Variants in GRIK2 observed in about 807,000 individuals in gnomAD.
GRIK2 encodes the protein glutamate ionotropic receptor kainate type subunit 2, also known as glutamate receptor ionotropic, kainate 2.
A neutral mutation model predicts 100.3 loss-of-function variants in GRIK2; 32 were observed. That is an observed-to-expected ratio of 0.32 (90% CI 0.24 to 0.43). The LOEUF (loss-of-function observed/expected upper bound fraction) is 0.43. GRIK2 is among the 20% of genes least tolerant of loss of function. The probability of loss-of-function intolerance (pLI) is 1.00; values close to 1 mark genes in which losing one functional copy is unlikely to be tolerated. For synonymous variants in GRIK2, 417 were observed against 389.4 expected (o/e 1.07, Z -0.83); for missense variants, 843 against 1,114.9 (o/e 0.76, Z 3.47).
At chr6:101,841,025 T>C (rs1031090938) in intron 10 of GRIK2, among the ~76,000 whole-genome samples, 4 of 134,344 alleles carry the variant, frequency 3.0e-5, no homozygotes, top group Non-Finnish European at 4.5e-5. Context: ...CAGCTTTATG[T>C]CTTTAAAAAC....
chr6:101,988,642 G>T (rs960661653), intron 14 of GRIK2, among the ~76,000 whole-genome samples: 2 of 151,802 alleles, frequency 1.3e-5, no homozygotes, highest in African/African-American at 4.8e-5. Flanking sequence ...CCTAGAATAC[G>T]TGGTTAATGG....
intron 9 of GRIK2, among the ~76,000 whole-genome samples, chr6:101,805,252 C>G (rs897853821): frequency 2.0e-5 from 3 of 150,756 alleles, no homozygotes; most frequent in Non-Finnish European, 3.0e-5. Context: ...CCAATTCTAT[C>G]AAAACTAAGC....
intron 14 of GRIK2, among the ~76,000 whole-genome samples, chr6:101,941,730 A>G (rs1790965537): frequency 1.3e-5 from 2 of 152,184 alleles, no homozygotes; most frequent in African/African-American, 4.8e-5. Context: ...ATTAAAAGAA[A>G]TATTGTAAAT....
At chr6:101,480,989 C>T (rs903085070) in intron 2 of GRIK2, among the ~76,000 whole-genome samples, 3 of 152,030 alleles carry the variant, frequency 2.0e-5, no homozygotes, top group Non-Finnish European at 4.4e-5. Flanking sequence ...TATTGGCAAA[C>T]ATGAAATTAA....
intron 7 of GRIK2, among the ~76,000 whole-genome samples, chr6:101,761,170 T>G (rs1225596907): frequency 6.6e-6 from 1 of 152,160 alleles, no homozygotes; most frequent in African/African-American, 2.4e-5. Flanking sequence ...TTTTCAAGCA[T>G]ACCTGTACAC....
At chr6:101,675,268 T>C (rs1770739053) in intron 4 of GRIK2, among the ~76,000 whole-genome samples, 2 of 150,272 alleles carry the variant, frequency 1.3e-5, no homozygotes, top group South Asian at 4.2e-4. Context: ...AGACAGTACA[T>C]GTACGCACAC....
At chr6:101,433,028 G>T (rs941894433) in intron 2 of GRIK2, among the ~76,000 whole-genome samples, 2 of 152,130 alleles carry the variant, frequency 1.3e-5, no homozygotes, top group South Asian at 4.2e-4. Flanking sequence ...TCGAGTGTTT[G>T]AGACACAAAC....
At chr6:101,667,000 A>C (rs1353217986) in intron 4 of GRIK2, among the ~76,000 whole-genome samples, 1 of 152,178 alleles carries the variant, frequency 6.6e-6, no homozygotes, top group Non-Finnish European at 1.5e-5. Context: ...AAATGCTTAT[A>C]AGGGAGAAAA....
chr6:101,609,612 T>C (rs559775316), intron 2 of GRIK2, among the ~76,000 whole-genome samples: 29 of 151,970 alleles, frequency 1.9e-4, no homozygotes, highest in African/African-American at 6.7e-4. Context: ...AAAATATGGC[T>C]TTAAAACTTC....
intron 14 of GRIK2, among the ~76,000 whole-genome samples, chr6:102,034,164 T>C (rs574420306): frequency 3.3e-5 from 5 of 151,498 alleles, no homozygotes; most frequent in South Asian, 2.1e-4. Context: ...TTAGCCCTGA[T>C]TCTGTCCTTG....
chr6:101,584,178 T>A (rs1021505950), intron 2 of GRIK2, among the ~76,000 whole-genome samples: 1 of 152,080 alleles, frequency 6.6e-6, no homozygotes, highest in African/African-American at 2.4e-5. Flanking sequence ...TAATTCCACT[T>A]CATTTGTAAT....
chr6:101,586,396 C>T (rs1778364746), intron 2 of GRIK2, among the ~76,000 whole-genome samples: 1 of 151,948 alleles, frequency 6.6e-6, no homozygotes. Flanking sequence ...TCCAAGTAGA[C>T]ATTGTAACAT....
intron 2 of GRIK2, among the ~76,000 whole-genome samples, chr6:101,600,067 T>C (rs997811406): frequency 1.3e-5 from 2 of 151,896 alleles, no homozygotes; most frequent in South Asian, 2.1e-4. Flanking sequence ...CTGTCTTGAG[T>C]TAATTTTTAT....
At chr6:102,062,983 T>G (rs1389662117) in intron 16 of GRIK2, among the ~76,000 whole-genome samples, 1 of 150,738 alleles carries the variant, frequency 6.6e-6, no homozygotes, top group African/African-American at 2.4e-5. Flanking sequence ...CCACTACATG[T>G]GACTTACTAT....
At chr6:101,840,456 A>G (rs1488963635) in intron 10 of GRIK2, among the ~76,000 whole-genome samples, 2 of 152,184 alleles carry the variant, frequency 1.3e-5, no homozygotes, top group Non-Finnish European at 2.9e-5. Context: ...ACTCTTAATG[A>G]CAGACTATAT....
chr6:101,475,542 C>T (rs970409770), intron 2 of GRIK2, among the ~76,000 whole-genome samples: 1 of 151,862 alleles, frequency 6.6e-6, no homozygotes, highest in Non-Finnish European at 1.5e-5. Flanking sequence ...TAATGTCTTT[C>T]TCTTTATTGA....
At chr6:101,433,058 G>T (rs1041968791) in intron 2 of GRIK2, among the ~76,000 whole-genome samples, 1 of 152,140 alleles carries the variant, frequency 6.6e-6, no homozygotes, top group African/African-American at 2.4e-5. Context: ...AGATCTATTG[G>T]CCTCTCATGG....
rs1347657997 is a variant in GRIK2 at position 101,641,562 on chromosome 6, C to T, written c.541+14925C>T. Among the ~76,000 whole-genome samples, 9 of 151,478 alleles carry T rather than the reference C, an allele frequency of 5.9e-5. No homozygotes were observed. In the East Asian group the frequency reaches 1.7e-3, roughly 29 times the overall value. Reference sequence around the variant, plus strand: ...TTTTTCTTTTAAATATCATCAGATGCCATTAGAAATTCAGCGAAGAGACTA... The same window carrying T: ...TTTTTCTTTTAAATATCATCAGATGTCATTAGAAATTCAGCGAAGAGACTA... On this transcript the variant is annotated intron_variant, in intron 4 of 16. Coordinates refer to ENST00000369134, the MANE Select transcript of GRIK2 (RefSeq NM_021956.5).
chr6:101,488,735 A>G (rs1772954220), intron 2 of GRIK2, among the ~76,000 whole-genome samples: 1 of 146,658 alleles, frequency 6.8e-6, no homozygotes, highest in Admixed American at 6.8e-5. Context: ...TTCACAAATA[A>G]ACACTTTTTT....
Sources: allele counts gnomAD v4.1 joint callset (sites outside exome capture counted in the v4.1 genomes callset), GRCh38; gene constraint gnomAD v4.1.1; transcripts MANE v1.5; gene names NCBI Gene and HGNC (gene_info 2026-07-23, HGNC 2026-07-21).